The following HIVEP3 variants were observed in gnomAD, a reference collection of about 807,000 sequenced individuals.
HIVEP3 encodes the protein transcription factor HIVEP3.
In HIVEP3, 49 loss-of-function variants were observed where a neutral mutation model predicts 152.8. The observed-to-expected ratio is 0.32, with a 90% confidence interval of 0.26 to 0.41. The LOEUF (loss-of-function observed/expected upper bound fraction) is 0.41, where lower values mean the gene tolerates loss of function less well. Ranked by LOEUF, HIVEP3 falls within the 10% of genes least tolerant of loss-of-function variation. The pLI, the probability that HIVEP3 is intolerant of heterozygous loss-of-function variation, is 1.00. For synonymous variants in HIVEP3, 1,269 were observed against 1,289.0 expected, an observed-to-expected ratio of 0.98 and a Z score of 0.33; for missense variants, 2,790 against 3,103.3, an observed-to-expected ratio of 0.90 and a Z score of 2.40.
chr1:41,691,530 A>G (rs1252344074), intron 2 of HIVEP3, among the ~76,000 whole-genome samples: 1 of 152,212 alleles, frequency 6.6e-6, no homozygotes, highest in African/African-American at 2.4e-5. Context: ...TAGTGCCCTT[A>G]TAAAAGAGGC....
At chr1:41,867,925 C>T (rs1259388440) in intron 1 of HIVEP3, among the ~76,000 whole-genome samples, 1 of 138,706 alleles carries the variant, frequency 7.2e-6, no homozygotes, top group African/African-American at 2.6e-5. Flanking sequence ...GATCTCTGCC[C>T]TCCCCCCTCC....
At chr1:41,542,480 G>GA (rs1643555681) in intron 5 of HIVEP3, 1 of 152,354 alleles carries the variant, frequency 6.6e-6, no homozygotes, top group Admixed American at 6.5e-5. Flanking sequence ...TCACAGAGAA[G>GA]ATTCCTTTGT....
intron 1 of HIVEP3, among the ~76,000 whole-genome samples, chr1:41,941,736 G>T (rs560563557): frequency 1.3e-5 from 2 of 152,294 alleles, no homozygotes; most frequent in South Asian, 2.1e-4. Flanking sequence ...ATTTTGTCCA[G>T]CAAAGTCCAG....
intron 1 of HIVEP3, among the ~76,000 whole-genome samples, chr1:41,988,235 G>T (rs1248389571): frequency 6.6e-6 from 1 of 152,120 alleles, no homozygotes; most frequent in African/African-American, 2.4e-5. Context: ...AGACATGTGA[G>T]ATTGCATCAC....
chr1:41,889,052 C>A (rs1644403835), intron 1 of HIVEP3, among the ~76,000 whole-genome samples: 1 of 146,816 alleles, frequency 6.8e-6, no homozygotes, highest in Non-Finnish European at 1.5e-5. Flanking sequence ...ACACACACAC[C>A]ACACAACACA....
intron 2 of HIVEP3, among the ~76,000 whole-genome samples, chr1:41,650,839 C>A (rs371367236): frequency 6.6e-6 from 1 of 152,268 alleles, no homozygotes; most frequent in East Asian, 1.9e-4. Flanking sequence ...ACGTTAAGAC[C>A]TGAAGGATCA....
At chr1:41,576,902 A>T (rs1206820960) in intron 4 of HIVEP3, among the ~76,000 whole-genome samples, 1 of 152,188 alleles carries the variant, frequency 6.6e-6, no homozygotes, top group African/African-American at 2.4e-5. Context: ...GATTTGGAGG[A>T]GGGGAGTGGA....
Position 41,657,541 on chromosome 1 carries a change from C to T in HIVEP3, c.-720-28594G>A, listed in dbSNP as rs1032349988. Among the ~76,000 whole-genome samples the T allele has an allele frequency of 1.7e-4, 26 of 152,338 alleles. 1 individual carries two copies. Among genetic ancestry groups the T allele is most frequent in the Admixed American group, 8.5e-4 (13 of 15,302 alleles). ...ATTTTGTTGCCCCCTTTGGGAGCAG[C>T]TGATTCATTCACAAATACTGCAGTT... On this transcript the variant is annotated intron_variant, in intron 2 of 8. Transcript: ENST00000372583.
chr1:41,973,848 T>C (rs898483656), intron 1 of HIVEP3, among the ~76,000 whole-genome samples: 16 of 152,170 alleles, frequency 1.1e-4, no homozygotes, highest in African/African-American at 3.9e-4. Flanking sequence ...CAAGAAAGGA[T>C]GGCGTCACCA....
chr1:41,541,448 T>G (rs1055740237), intron 5 of HIVEP3, among the ~76,000 whole-genome samples: 4 of 152,188 alleles, frequency 2.6e-5, no homozygotes, highest in Non-Finnish European at 5.9e-5. Context: ...GTCTGTGTGT[T>G]GTGGCCGTGA....
chr1:41,843,585 G>GA (rs113967177), intron 1 of HIVEP3, among the ~76,000 whole-genome samples: 520 of 129,412 alleles, frequency 4.0e-3, no homozygotes, highest in African/African-American at 6.2e-3. Flanking sequence ...GGTAGTTTAA[G>GA]AAAAAAAAAA....
chr1:41,709,658 T>C (rs1646484499), intron 1 of HIVEP3, among the ~76,000 whole-genome samples: 2 of 151,680 alleles, frequency 1.3e-5, no homozygotes, highest in Non-Finnish European at 2.9e-5. Context: ...AGGACTGGAG[T>C]TCATGTGGGG....
At chr1:41,982,715 T>C (rs573721191) in intron 1 of HIVEP3, among the ~76,000 whole-genome samples, 1 of 152,266 alleles carries the variant, frequency 6.6e-6, no homozygotes, top group East Asian at 1.9e-4. Context: ...GAATTGGTGA[T>C]AGAATAGGAG....
intron 5 of HIVEP3, among the ~76,000 whole-genome samples, chr1:41,527,636 C>T (rs1222594958): frequency 2.3e-5 from 3 of 129,104 alleles, no homozygotes; most frequent in Non-Finnish European, 5.0e-5. Flanking sequence ...TCGCACTCCA[C>T]ATCCCCACCC....
chr1:41,862,709 C>T (rs1018760991), intron 1 of HIVEP3, among the ~76,000 whole-genome samples: 2 of 152,138 alleles, frequency 1.3e-5, no homozygotes, highest in African/African-American at 2.4e-5. Context: ...CAGATCTTGA[C>T]AAAGACAGGC....
Position 41,896,764 on chromosome 1 carries a change from T to G in HIVEP3, c.-801+21649A>C, listed in dbSNP as rs139160511. Reference sequence around the variant, plus strand: ...TAATTTTTTGTATTTTTAGTAGAGATAGGGTTTCACCATGGTAGCCAGGAT... The same window carrying G: ...TAATTTTTTGTATTTTTAGTAGAGAGAGGGTTTCACCATGGTAGCCAGGAT... On this transcript the variant is annotated intron_variant, in intron 1 of 8. Transcript: ENST00000372583. Among the ~76,000 whole-genome samples, 780 of 152,040 alleles carry G rather than the reference T, an allele frequency of 5.1e-3. 5 individuals carry two copies. Among genetic ancestry groups the G allele is most frequent in the African/African-American group, 0.017 (716 of 41,458 alleles).
At chr1:41,638,331 A>AGG (rs1558137239) in intron 2 of HIVEP3, among the ~76,000 whole-genome samples, 80 of 38,832 alleles carry the variant, frequency 2.1e-3, no homozygotes, top group African/African-American at 6.8e-3. Context: ...AGAAAGAAAG[A>AGG]AAGGGAGAGA....
At chr1:41,947,308 G>A (rs1482542850) in intron 1 of HIVEP3, among the ~76,000 whole-genome samples, 1 of 152,182 alleles carries the variant, frequency 6.6e-6, no homozygotes, top group East Asian at 1.9e-4. Context: ...CTCGCCACCT[G>A]TGGCTACAAG....
intron 1 of HIVEP3, among the ~76,000 whole-genome samples, chr1:42,001,441 A>C (rs1645427135): frequency 6.6e-6 from 1 of 152,210 alleles, no homozygotes; most frequent in African/African-American, 2.4e-5. Flanking sequence ...GTCTGGAGAT[A>C]ACCTCACTAC....
Sources: allele counts gnomAD v4.1 joint callset (sites outside exome capture counted in the v4.1 genomes callset), GRCh38; gene constraint gnomAD v4.1.1; transcripts MANE v1.5; gene names NCBI Gene and HGNC (gene_info 2026-07-23, HGNC 2026-07-21).